Variants in SGCZ observed in about 807,000 individuals in gnomAD.
The protein encoded by SGCZ is sarcoglycan zeta, also known as zeta-sarcoglycan.
SGCZ carries 40 observed loss-of-function variants against 41.3 expected under a neutral mutation model. The ratio of observed to expected loss-of-function variants is 0.97; its 90% CI spans 0.75 to 1.26. The LOEUF (loss-of-function observed/expected upper bound fraction) is 1.26, where lower values mean the gene tolerates loss of function less well. SGCZ is among the 50% of genes most tolerant of loss of function. The probability of loss-of-function intolerance (pLI) is 0.00; values close to 1 mark genes in which losing one functional copy is unlikely to be tolerated. For synonymous variants in SGCZ, 206 were observed against 137.5 expected (o/e 1.50, Z -3.49); for missense variants, 552 against 369.8 (o/e 1.49, Z -4.04).
chr8:14,601,164 A>G (rs1481960065), intron 1 of SGCZ, among the ~76,000 whole-genome samples: 2 of 151,968 alleles, frequency 1.3e-5, no homozygotes, highest in Non-Finnish European at 2.9e-5. Context: ...AGGTTCAATA[A>G]CATTTTACAT....
At chr8:14,284,298 T>G (rs1800545966) in intron 3 of SGCZ, among the ~76,000 whole-genome samples, 1 of 152,100 alleles carries the variant, frequency 6.6e-6, no homozygotes, top group South Asian at 2.1e-4. Context: ...GAGGCTGAGG[T>G]GGGAGGATGG....
chr8:14,323,998 A>G, intron 3 of SGCZ, 105 bp downstream of exon 3: 1 of 688,100 alleles, frequency 1.5e-6, no homozygotes, highest in South Asian at 1.9e-5. Context: ...GCTTAAGGAA[A>G]CTAAACACAT....
chr8:14,843,433 A>G (rs1362484729), intron 1 of SGCZ, among the ~76,000 whole-genome samples: 1 of 152,142 alleles, frequency 6.6e-6, no homozygotes, highest in Non-Finnish European at 1.5e-5. Context: ...ATGACTTAGT[A>G]TTTTGTATGT....
intron 1 of SGCZ, among the ~76,000 whole-genome samples, chr8:14,919,167 G>A (rs1330687624): frequency 1.3e-5 from 2 of 152,170 alleles, no homozygotes; most frequent in South Asian, 2.1e-4. Context: ...GGCCAGGCGA[G>A]GTGGCTCAAG....
At chr8:14,641,476 C>T (rs1397289) in intron 1 of SGCZ, among the ~76,000 whole-genome samples, 29,792 of 151,574 alleles carry the variant, frequency 0.2, 3,760 homozygotes, top group Non-Finnish European at 0.29. Flanking sequence ...AATTCTAGGA[C>T]GCTACAAGTC....
At chr8:15,101,905 A>G (rs1806628677) in intron 1 of SGCZ, among the ~76,000 whole-genome samples, 1 of 152,204 alleles carries the variant, frequency 6.6e-6, no homozygotes, top group Non-Finnish European at 1.5e-5. Context: ...AGCCTGAGCA[A>G]CAGAGCGAGA....
At chr8:15,064,167 T>C (rs1309677422) in intron 1 of SGCZ, among the ~76,000 whole-genome samples, 2 of 152,154 alleles carry the variant, frequency 1.3e-5, no homozygotes. Context: ...ACATGACCCA[T>C]ACTGTACTTC....
chr8:14,710,400 T>C (rs569694916), intron 1 of SGCZ, among the ~76,000 whole-genome samples: 5 of 149,004 alleles, frequency 3.4e-5, no homozygotes, highest in Non-Finnish European at 7.4e-5. Flanking sequence ...AAGAATAAAT[T>C]AATGGTTCTT....
At chr8:14,530,384 TTC>T (rs1419068125) in intron 2 of SGCZ, among the ~76,000 whole-genome samples, 7 of 152,100 alleles carry the variant, frequency 4.6e-5, no homozygotes, top group African/African-American at 1.7e-4. Context: ...AACTTTATTT[TTC>T]TGTCATGAAG....
intron 1 of SGCZ, among the ~76,000 whole-genome samples, chr8:14,663,160 G>T (rs1331188629): frequency 1.3e-5 from 2 of 152,074 alleles, no homozygotes; most frequent in Non-Finnish European, 2.9e-5. Context: ...AGGAACAATA[G>T]AAAAACTAAT....
At chr8:14,497,543 G>C (rs1361776154) in intron 2 of SGCZ, among the ~76,000 whole-genome samples, 1 of 151,524 alleles carries the variant, frequency 6.6e-6, no homozygotes, top group African/African-American at 2.4e-5. Context: ...AAAACATTAT[G>C]AGCTTTGTGT....
intron 1 of SGCZ, among the ~76,000 whole-genome samples, chr8:15,219,468 T>C (rs756078580): frequency 4.6e-5 from 7 of 152,208 alleles, no homozygotes; most frequent in Non-Finnish European, 1.0e-4. Context: ...AAATCAGAAA[T>C]GCCCAACTCA....
intron 3 of SGCZ, among the ~76,000 whole-genome samples, chr8:14,289,531 T>C (rs868050390): frequency 6.6e-6 from 1 of 152,114 alleles, no homozygotes; most frequent in South Asian, 2.1e-4. Context: ...ACTATGACTT[T>C]CCCATCAGAT....
At chr8:14,547,788 G>T (rs996550453) in intron 2 of SGCZ, among the ~76,000 whole-genome samples, 1 of 152,068 alleles carries the variant, frequency 6.6e-6, no homozygotes, top group Non-Finnish European at 1.5e-5. Context: ...TGTGAATCAG[G>T]CTATTTGCCT....
intron 6 of SGCZ, among the ~76,000 whole-genome samples, chr8:14,105,363 C>T (rs950143893): frequency 8.6e-5 from 13 of 152,024 alleles, no homozygotes; most frequent in African/African-American, 2.9e-4. Context: ...TTTCTAAAGT[C>T]TTTTTGTTCT....
At chr8:14,629,027 T>A (rs1806556167) in intron 1 of SGCZ, among the ~76,000 whole-genome samples, 1 of 152,160 alleles carries the variant, frequency 6.6e-6, no homozygotes. Flanking sequence ...CTGTGTTTAA[T>A]TTCCCTTAAT....
At chr8:14,872,166 C>G (rs1804181762) in intron 1 of SGCZ, among the ~76,000 whole-genome samples, 3 of 151,832 alleles carry the variant, frequency 2.0e-5, no homozygotes, top group Admixed American at 1.3e-4. Flanking sequence ...CAGGGCCTGA[C>G]AGGGCATGAG....
chr8:14,446,742 C>T (rs1288559264), intron 2 of SGCZ, among the ~76,000 whole-genome samples: 2 of 152,120 alleles, frequency 1.3e-5, no homozygotes, highest in East Asian at 1.9e-4. Context: ...CTGATTCAGA[C>T]TGTAATTGAG....
chr8:14,630,405 G>C (rs7823106), intron 1 of SGCZ, among the ~76,000 whole-genome samples: 102,062 of 151,708 alleles, frequency 0.67, 34,525 homozygotes, highest in East Asian at 0.78. Context: ...GAAATAGGAA[G>C]ATTTTTACAC....
Sources: allele counts gnomAD v4.1 joint callset (sites outside exome capture counted in the v4.1 genomes callset), GRCh38; gene constraint gnomAD v4.1.1; transcripts MANE v1.5; gene names NCBI Gene and HGNC (gene_info 2026-07-23, HGNC 2026-07-21).